The following RYR3 variants were observed in gnomAD, a reference collection of about 807,000 sequenced individuals.
RYR3 encodes the protein ryanodine receptor 3, also known as brain ryanodine receptor-calcium release channel.
In RYR3, 207 loss-of-function variants were observed where a neutral mutation model predicts 584.3. The ratio of observed to expected loss-of-function variants is 0.35; its 90% confidence interval spans 0.32 to 0.40. The LOEUF is 0.40. Ranked by LOEUF, RYR3 falls within the 10% of genes least tolerant of loss-of-function variation. RYR3 has a pLI of 1.00. For synonymous variants in RYR3, 2,416 were observed against 2,248.5 expected, an observed-to-expected ratio of 1.07 and a Z score of -2.11; for missense variants, 5,616 against 6,089.2, an observed-to-expected ratio of 0.92 and a Z score of 2.59.
intron 43 of RYR3, among the ~76,000 whole-genome samples, chr15:33,708,240 G>A (rs1735588469): frequency 6.6e-6 from 1 of 152,182 alleles, no homozygotes; most frequent in South Asian, 2.1e-4. Flanking sequence ...ATTTGTGGGT[G>A]TATGAAATGG....
At position 33,725,194 on chromosome 15, in the gene RYR3, CACACACACAT is replaced by C. The variant is rs1394224317; in HGVS notation, c.6912+1020_6912+1029del. Among the ~76,000 whole-genome samples, 75 of 131,632 alleles carry C rather than the reference CACACACACAT, an allele frequency of 5.7e-4. 1 individual carries two copies. Among genetic ancestry groups the C allele is most frequent in the African/African-American group, 4.6e-4 (16 of 35,006 alleles). 86.4% of individuals were successfully genotyped at this position (131,632 alleles called of 152,430 possible). ...ACACACACACACACACACACACACA[CACACACACAT>C]ATATACATCCCTTCTTAGGACCCCT... On this transcript the variant is annotated intron_variant, in intron 45 of 103. Coordinates refer to ENST00000634891, the MANE Select transcript of RYR3 (RefSeq NM_001036.6).
intron 99 of RYR3, among the ~76,000 whole-genome samples, 188 bp from the exon 100 acceptor site, chr15:33,859,387 T>C (rs965377357): frequency 5.3e-5 from 8 of 152,334 alleles, no homozygotes; most frequent in Middle Eastern, 3.4e-3. Context: ...TCCATCTTTG[T>C]AGATATCAAA....
intron 1 of RYR3, among the ~76,000 whole-genome samples, chr15:33,406,453 G>T (rs1461798559): frequency 6.6e-6 from 1 of 152,214 alleles, no homozygotes; most frequent in Non-Finnish European, 1.5e-5. Context: ...CCGTCAGCAT[G>T]ACAGTGAAAG....
rs2063299164 is a variant in RYR3 at position 33,663,641 on chromosome 15, G to A, written c.5523G>A (p.Gln1841=). 6.2e-7 allele frequency: 1 copy of A among 1,613,244 alleles called. No homozygotes were observed. Among genetic ancestry groups the A allele is most frequent in the South Asian group, 1.1e-5 (1 of 90,804 alleles). Residue 1841 remains glutamine, a synonymous_variant, in exon 36 of 104, where the codon CAG becomes CAA. Coordinates refer to ENST00000634891, the MANE Select transcript of RYR3 (RefSeq NM_001036.6). The part of the protein sequence containing the change: ...DIYVSKLQAN[Q]KFRYNELMQA... ...ATGTCTCCAAGCTGCAGGCAAATCA[G>A]AAGTTCCGCTACAATGAGCTCATGC...
chr15:33,501,567 T>C (rs1390944486), intron 2 of RYR3, among the ~76,000 whole-genome samples: 1 of 152,158 alleles, frequency 6.6e-6, no homozygotes, highest in Non-Finnish European at 1.5e-5. Flanking sequence ...TTCTGATGAA[T>C]TGGAAGAGGA....
intron 12 of RYR3, among the ~76,000 whole-genome samples, chr15:33,579,096 G>A (rs894359165): frequency 2.0e-5 from 3 of 152,148 alleles, no homozygotes; most frequent in Admixed American, 1.3e-4. Flanking sequence ...GAGATGGAAG[G>A]GCAGGTAACA....
chr15:33,647,774 A>G (rs778024270), intron 30 of RYR3, among the ~76,000 whole-genome samples: 7 of 152,150 alleles, frequency 4.6e-5, no homozygotes, highest in South Asian at 2.1e-4. Flanking sequence ...AGGGCGCTCA[A>G]TTAAATCTTT....
At chr15:33,778,104 A>G (rs529151499) in intron 64 of RYR3, among the ~76,000 whole-genome samples, 22 of 152,228 alleles carry the variant, frequency 1.4e-4, no homozygotes, top group Non-Finnish European at 2.2e-4. Flanking sequence ...TAGGAGGCAG[A>G]GCTTGCAGTG....
At chr15:33,314,273 T>C (rs1967771102) in intron 1 of RYR3, among the ~76,000 whole-genome samples, 1 of 152,190 alleles carries the variant, frequency 6.6e-6, no homozygotes, top group African/African-American at 2.4e-5. Context: ...CTGTTGGCAG[T>C]GGCATCCTCC....
At chr15:33,465,710 A>G (rs1357814930) in intron 1 of RYR3, 3 of 518,906 alleles carry the variant, frequency 5.8e-6, no homozygotes, top group Non-Finnish European at 1.2e-5. Flanking sequence ...GGAGGTGATT[A>G]CAATAGTTGT....
intron 49 of RYR3, among the ~76,000 whole-genome samples, chr15:33,737,970 G>T (rs8027687): frequency 0.13 from 19,585 of 152,034 alleles, 1,367 homozygotes; most frequent in East Asian, 0.28. Context: ...TGGGGGCAAG[G>T]AAACAACGGG....
chr15:33,314,951 AC>A (rs1371409310), intron 1 of RYR3, among the ~76,000 whole-genome samples: 11 of 150,080 alleles, frequency 7.3e-5, no homozygotes, highest in Non-Finnish European at 1.5e-5. Flanking sequence ...CCAAAAAAAA[AC>A]AACAACAACA....
At chr15:33,622,941 T>C (rs1309913439) in intron 19 of RYR3, among the ~76,000 whole-genome samples, 1 of 152,236 alleles carries the variant, frequency 6.6e-6, no homozygotes, top group Non-Finnish European at 1.5e-5. Flanking sequence ...AACCCATATA[T>C]ATGAGGCTGA....
chr15:33,751,690 C>T (rs1463643826), intron 57 of RYR3, among the ~76,000 whole-genome samples: 1 of 151,924 alleles, frequency 6.6e-6, no homozygotes, highest in Non-Finnish European at 1.5e-5. Context: ...TGCCTGTTCA[C>T]TCTGATGGTA....
intron 48 of RYR3, among the ~76,000 whole-genome samples, chr15:33,735,721 T>C (rs759094030): frequency 2.3e-4 from 35 of 152,348 alleles, no homozygotes; most frequent in South Asian, 8.3e-4. Flanking sequence ...AACGGAGTTG[T>C]TTTGAGAACA....
At chr15:33,516,517 G>T (rs893855858) in intron 3 of RYR3, among the ~76,000 whole-genome samples, 5 of 151,652 alleles carry the variant, frequency 3.3e-5, no homozygotes, top group Admixed American at 2.0e-4. Context: ...CTAATTTTTG[G>T]TAGAGACAGG....
At chr15:33,591,220 C>T (rs538011451) in intron 16 of RYR3, among the ~76,000 whole-genome samples, 19 of 152,294 alleles carry the variant, frequency 1.2e-4, no homozygotes, top group South Asian at 4.2e-4. Flanking sequence ...TTAGTTCAAA[C>T]GCCACTTCCT....
chr15:33,524,843 GT>G (rs1185977146), intron 3 of RYR3, among the ~76,000 whole-genome samples: 1 of 152,030 alleles, frequency 6.6e-6, no homozygotes, highest in African/African-American at 2.4e-5. Flanking sequence ...ATGAGGCTTA[GT>G]TTTTTTCCCT....
At chr15:33,562,171 G>C (rs1026324503) in intron 10 of RYR3, among the ~76,000 whole-genome samples, 3 of 152,196 alleles carry the variant, frequency 2.0e-5, no homozygotes, top group African/African-American at 7.2e-5. Flanking sequence ...TCACTGAGTT[G>C]TTACCTGGTG....
Sources: allele counts gnomAD v4.1 joint callset (sites outside exome capture counted in the v4.1 genomes callset), GRCh38; gene constraint gnomAD v4.1.1; transcripts MANE v1.5; gene names NCBI Gene and HGNC (gene_info 2026-07-23, HGNC 2026-07-21).